Variants in CMKLR1 observed in about 807,000 individuals in gnomAD.
CMKLR1 encodes the protein chemerin-like receptor 1.
In CMKLR1, 6 loss-of-function variants were observed where a neutral mutation model predicts 8.2. The observed-to-expected ratio is 0.73, with a 90% confidence interval of 0.40 to 1.44. The LOEUF (loss-of-function observed/expected upper bound fraction) is 1.44, where lower values mean the gene tolerates loss of function less well. Among genes scored for constraint, CMKLR1 ranks in the 40% most tolerant of loss-of-function variants. The probability of loss-of-function intolerance (pLI) is 0.02; values close to 1 mark genes in which losing one functional copy is unlikely to be tolerated. For synonymous variants in CMKLR1, 178 were observed against 181.2 expected (o/e 0.98, Z 0.14); for missense variants, 429 against 478.0 (o/e 0.90, Z 0.96).
intron 2 of CMKLR1, among the ~76,000 whole-genome samples, chr12:108,324,038 G>A (rs916653459): frequency 6.6e-6 from 1 of 152,170 alleles, no homozygotes; most frequent in Non-Finnish European, 1.5e-5. Flanking sequence ...CCAGGCCAGA[G>A]GTCTAGGGCT....
chr12:108,326,957 T>A (rs1891994006), intron 2 of CMKLR1, among the ~76,000 whole-genome samples: 1 of 152,070 alleles, frequency 6.6e-6, no homozygotes, highest in South Asian at 2.1e-4. Context: ...TCATGGCAGA[T>A]CCTGTCATCA....
intron 2 of CMKLR1, among the ~76,000 whole-genome samples, chr12:108,306,385 T>C (rs1891408899): frequency 7.0e-6 from 1 of 142,368 alleles, no homozygotes. Context: ...AAGTTCTCGT[T>C]AATCACCTCA....
At position 108,297,209 on chromosome 12, in the gene CMKLR1, C is replaced by T. The variant is rs535747792; in HGVS notation, c.-73-3545G>A. 3.3e-5 allele frequency among the ~76,000 whole-genome samples: 5 copies of T among 152,268 alleles called. No individual in the cohort carries two copies. In the South Asian group the frequency reaches 1.0e-3, roughly 32 times the overall value. On this transcript the variant is annotated intron_variant, in intron 2 of 3. Transcript: ENST00000550402. The stretch of plus-strand genomic sequence containing the variant: ...AACATGAAAACAATGAGGATGAAGA[C>T]CTTTGTGGTGACCCACTTCCACTTA...
intron 2 of CMKLR1, among the ~76,000 whole-genome samples, chr12:108,301,723 G>A (rs1303728542): frequency 6.6e-6 from 1 of 152,232 alleles, no homozygotes; most frequent in Non-Finnish European, 1.5e-5. Context: ...CAGACGAGGA[G>A]ACTGAGGCTT....
intron 2 of CMKLR1, among the ~76,000 whole-genome samples, chr12:108,311,582 C>A (rs774552858): frequency 1.3e-5 from 2 of 152,204 alleles, no homozygotes; most frequent in African/African-American, 4.8e-5. Flanking sequence ...GCTATGATTG[C>A]ACCACTGCGC....
Position 108,330,087 on chromosome 12 carries a change from A to G in CMKLR1, c.-166T>C, listed in dbSNP as rs1212160971. On this transcript the variant is annotated 5_prime_UTR_variant, in exon 2 of 4. Coordinates refer to ENST00000550402, the MANE Select transcript of CMKLR1 (RefSeq NM_001142343.2). ...GTTGCTGTGACCAACAGAAAGTGGTAGAAGTGATGCTGTGCTAGTCCCAGC... is the reference window on the plus strand; with the variant it reads ...GTTGCTGTGACCAACAGAAAGTGGTGGAAGTGATGCTGTGCTAGTCCCAGC... 1 of 152,206 alleles carries G rather than the reference A, an allele frequency of 6.6e-6. No homozygotes were observed. The highest frequency in any genetic ancestry group is 2.4e-5 in the African/African-American group (1 of 41,444). 9.4% of individuals were successfully genotyped at this position (152,206 alleles called of 1,614,324 possible). A position where few individuals can be genotyped will look rare whatever the true frequency, so the allele number is the denominator to read the frequency against.
chr12:108,314,587 T>C (rs1006481583), intron 2 of CMKLR1, among the ~76,000 whole-genome samples: 1 of 152,238 alleles, frequency 6.6e-6, no homozygotes, highest in Non-Finnish European at 1.5e-5. Flanking sequence ...CATCCAGGTG[T>C]ATGCACTGCT....
rs577381545 is a variant in CMKLR1, at chr12:108,331,596, T to A, written c.-286-1389A>T. Among the ~76,000 whole-genome samples the A allele has an allele frequency of 2.2e-4, 34 of 152,338 alleles. No individual in the cohort carries two copies. The East Asian group carries it at 6.2e-3, about 28-fold the overall frequency. On this transcript the variant is annotated intron_variant, in intron 1 of 3. Coordinates refer to ENST00000550402, the MANE Select transcript of CMKLR1 (RefSeq NM_001142343.2). Reference sequence around the variant, plus strand: ...CCCAGAACCTGTAAATATGTCATCCTACATGGCAAAAGACACTTTGCAGAC... The same window carrying A: ...CCCAGAACCTGTAAATATGTCATCCAACATGGCAAAAGACACTTTGCAGAC...
intron 2 of CMKLR1, among the ~76,000 whole-genome samples, chr12:108,300,906 A>G (rs1187491246): frequency 6.6e-6 from 1 of 152,140 alleles, no homozygotes; most frequent in Non-Finnish European, 1.5e-5. Context: ...ATCACCCTAC[A>G]GGGTCGGGAC....
intron 2 of CMKLR1, among the ~76,000 whole-genome samples, chr12:108,313,165 C>A (rs766516901): frequency 6.6e-6 from 1 of 152,130 alleles, no homozygotes; most frequent in Admixed American, 6.5e-5. Context: ...GAGGGGCAGG[C>A]TGCCCTTCCT....
chr12:108,315,531 A>G (rs1891698587), intron 2 of CMKLR1, among the ~76,000 whole-genome samples: 1 of 152,164 alleles, frequency 6.6e-6, no homozygotes, highest in Non-Finnish European at 1.5e-5. Flanking sequence ...CCAGGCCCTA[A>G]GCTAAGCACA....
At chr12:108,312,281 C>T (rs957080334) in intron 2 of CMKLR1, among the ~76,000 whole-genome samples, 26 of 152,206 alleles carry the variant, frequency 1.7e-4, no homozygotes, top group Admixed American at 1.7e-3. Context: ...CATCTATGCC[C>T]TTATCACAGC....
At chr12:108,332,635 C>A (rs115128639) in intron 1 of CMKLR1, among the ~76,000 whole-genome samples, 2 of 152,130 alleles carry the variant, frequency 1.3e-5, no homozygotes, top group Non-Finnish European at 2.9e-5. Context: ...TTCTTGCCCT[C>A]GAACATCGGA....
At chr12:108,333,591 C>T (rs1362656839) in intron 1 of CMKLR1, among the ~76,000 whole-genome samples, 1 of 152,210 alleles carries the variant, frequency 6.6e-6, no homozygotes, top group Non-Finnish European at 1.5e-5. Flanking sequence ...CTCATTTAAT[C>T]TCACCATAAC....
chr12:108,327,387 G>A (rs1892003176), intron 2 of CMKLR1, among the ~76,000 whole-genome samples: 1 of 152,186 alleles, frequency 6.6e-6, no homozygotes. Flanking sequence ...GGCTGAAGCG[G>A]GAGGATGGCT....
chr12:108,315,100 G>A (rs1891688302), intron 2 of CMKLR1, among the ~76,000 whole-genome samples: 1 of 150,974 alleles, frequency 6.6e-6, no homozygotes, highest in Admixed American at 6.6e-5. Context: ...ACCACACCTG[G>A]CTGATTTTGT....
chr12:108,334,701 A>C (rs1892181313), intron 1 of CMKLR1, among the ~76,000 whole-genome samples: 1 of 152,234 alleles, frequency 6.6e-6, no homozygotes, highest in Admixed American at 6.5e-5. Flanking sequence ...GCCCTAGGAC[A>C]GGAATAAGAT....
intron 2 of CMKLR1, among the ~76,000 whole-genome samples, chr12:108,306,913 G>A (rs1388672453): frequency 6.6e-6 from 1 of 152,154 alleles, no homozygotes; most frequent in Non-Finnish European, 1.5e-5. Context: ...AAGAGCATTT[G>A]ATGGACATCT....
At chr12:108,304,345 G>C (rs1202556311) in intron 2 of CMKLR1, among the ~76,000 whole-genome samples, 1 of 152,186 alleles carries the variant, frequency 6.6e-6, no homozygotes, top group African/African-American at 2.4e-5. Flanking sequence ...CTGTTCCCCT[G>C]CCGGTGTGTG....
Sources: allele counts gnomAD v4.1 joint callset (sites outside exome capture counted in the v4.1 genomes callset), GRCh38; gene constraint gnomAD v4.1.1; transcripts MANE v1.5; gene names NCBI Gene and HGNC (gene_info 2026-07-23, HGNC 2026-07-21).